The following DLK1 variants were observed in gnomAD, a reference collection of about 807,000 sequenced individuals.
The protein encoded by DLK1 is protein delta homolog 1.
In DLK1, 9 loss-of-function variants were observed where a neutral mutation model predicts 35.2. The observed-to-expected ratio is 0.26, with a 90% CI of 0.15 to 0.45. DLK1 has a LOEUF of 0.45. Ranked by LOEUF, DLK1 falls within the 20% of genes least tolerant of loss-of-function variation. The probability of loss-of-function intolerance (pLI) is 1.00; values close to 1 mark genes in which losing one functional copy is unlikely to be tolerated. For missense variants in DLK1, 522 were observed against 528.5 expected, an observed-to-expected ratio of 0.99 and a Z score of 0.12; for synonymous variants, 231 against 228.4, an observed-to-expected ratio of 1.01 and a Z score of -0.10.
chr14:100,733,733 G>A (rs1448284799), intron 4 of DLK1, among the ~76,000 whole-genome samples: 1 of 152,196 alleles, frequency 6.6e-6, no homozygotes, highest in Non-Finnish European at 1.5e-5. Flanking sequence ...TCCAGTCCTG[G>A]GCTGTCACTG....
intron 2 of DLK1, 167 bp downstream of exon 2, chr14:100,728,626 G>GC (rs1567020467): frequency 8.5e-6 from 2 of 234,776 alleles, no homozygotes; most frequent in Non-Finnish European, 1.7e-5. Flanking sequence ...GGGGGGGGCG[G>GC]GGGGGGGGCA....
At chr14:100,729,709 G>A (rs948948167) in intron 3 of DLK1, among the ~76,000 whole-genome samples, 4 of 152,198 alleles carry the variant, frequency 2.6e-5, no homozygotes, top group Non-Finnish European at 1.5e-5. Flanking sequence ...ATTACCCCAA[G>A]CAATTGAGAG....
At position 100,734,544 on chromosome 14, in the gene DLK1, G is replaced by A. The variant is rs761957781; in HGVS notation, c.800G>A (p.Arg267His). The A allele has an allele frequency of 1.1e-5, 18 of 1,612,546 alleles. No individual in the cohort carries two copies. The African/African-American group carries it at 1.2e-4, about 11-fold the overall frequency. ...RLPSGYGLAYRLTPGVHELPV... is the reference protein window; with the variant it reads ...RLPSGYGLAYHLTPGVHELPV... Reference sequence around the variant, plus strand: ...CCCAGCGGCTATGGGCTGGCCTACCGCCTGACCCCTGGGGTGCACGAGCTG... The same window carrying A: ...CCCAGCGGCTATGGGCTGGCCTACCACCTGACCCCTGGGGTGCACGAGCTG... The change falls in exon 5 of 5, where the codon CGC becomes CAC. Residue 267 changes from arginine (R) to histidine (H), a missense_variant. Coordinates refer to ENST00000341267, the MANE Select transcript of DLK1 (RefSeq NM_003836.7). This position sits in a 1 kb window ranked among gnomAD's most constrained non-coding sequence, Gnocchi z 7.4.
At position 100,735,263 on chromosome 14, in the gene DLK1, T is replaced by A; in HGVS notation, c.*367T>A. 2 of 192,990 alleles carry A rather than the reference T, an allele frequency of 1.0e-5. No homozygotes were observed. Among genetic ancestry groups the A allele is most frequent in the South Asian group, 1.5e-4 (1 of 6,616 alleles). The allele number at this position is 192,990 out of a possible 1,614,324, so 12.0% of individuals were successfully genotyped here. ...GGGGGTCTCGGCCACATGGTCCTCG[T>A]GAAACCGTTACGAGTGCTGTACATG... On this transcript the variant is annotated 3_prime_UTR_variant, in exon 5 of 5. Coordinates refer to ENST00000341267, the MANE Select transcript of DLK1 (RefSeq NM_003836.7).
At chr14:100,733,496 A>G (rs931284110) in intron 4 of DLK1, among the ~76,000 whole-genome samples, 1 of 152,234 alleles carries the variant, frequency 6.6e-6, no homozygotes, top group Non-Finnish European at 1.5e-5. Context: ...GTGCCACCGT[A>G]GACAGACCTC....
At chr14:100,728,885 C>T (rs2036472910) in intron 2 of DLK1, 51 bp from the exon 3 acceptor site, 1 of 1,598,692 alleles carries the variant, frequency 6.3e-7, no homozygotes, top group African/African-American at 1.3e-5. Flanking sequence ...AGCTGCCTCT[C>T]TACCCCTGCC....
At position 100,736,805 on chromosome 14, in the gene DLK1, TG is replaced by T. The variant is rs2036577859; in HGVS notation, c.*1910del. ...CCTCCCAGCCTCACCCCAAAAACCC[TG>T]TCACCCCACCGACCACCATCATCAC... On this transcript the variant is annotated 3_prime_UTR_variant, in exon 5 of 5. Transcript: ENST00000341267. 1 of 87,690 alleles carries T rather than the reference TG, an allele frequency of 1.1e-5. No individual in the cohort carries two copies. Among genetic ancestry groups the T allele is most frequent in the African/African-American group, 4.7e-5 (1 of 21,414 alleles). The allele number at this position is 87,690 out of a possible 1,614,324, so 5.4% of individuals were successfully genotyped here. A position where few individuals can be genotyped will look rare whatever the true frequency, so the allele number is the denominator to read the frequency against.
In DLK1 at chr14:100,728,936, G is replaced by T; in HGVS notation, c.132G>T (p.Arg44Ser). Residue 44 changes from arginine to serine, a missense_variant and splice_region_variant, in exon 3 of 5, where the codon AGG becomes AGT. Transcript: ENST00000341267. The part of the protein sequence containing the change: ...NGFCEDDNVC[R>S]CQPGWQGPLC... ...CACCTTTCTCCCCCACCCATTGCAG[G>T]TGCCAGCCTGGCTGGCAGGGTCCCC... is the stretch of plus-strand genomic sequence containing the variant. 1 of 1,613,428 alleles carries T rather than the reference G, an allele frequency of 6.2e-7. No homozygotes were observed. Among genetic ancestry groups the T allele is most frequent in the Non-Finnish European group, 8.5e-7 (1 of 1,179,684 alleles).
intron 4 of DLK1, among the ~76,000 whole-genome samples, chr14:100,733,191 T>C (rs1159737892): frequency 6.6e-6 from 1 of 152,172 alleles, no homozygotes; most frequent in Non-Finnish European, 1.5e-5. Flanking sequence ...ATATTTTGCT[T>C]TTCTCGCGAA....
chr14:100,727,459 CTGGGGTGCAACTT>C (rs2036449396), intron 1 of DLK1, among the ~76,000 whole-genome samples: 1 of 152,176 alleles, frequency 6.6e-6, no homozygotes, highest in Non-Finnish European at 1.5e-5. Context: ...TGAAAATACT[CTGGGGTGCAACTT>C]TGGGGTGTCC....
In DLK1 at chr14:100,728,474, C is replaced by A; in HGVS notation, c.131+15C>A. The A allele has an allele frequency of 6.2e-7, 1 of 1,613,896 alleles. No homozygotes were observed. ...AATGTTTGCAGGTAATAGAGTGGCTCCTCAGAGGCAGCTTGTAGGGGCCAC... is the reference window on the plus strand; with the variant it reads ...AATGTTTGCAGGTAATAGAGTGGCTACTCAGAGGCAGCTTGTAGGGGCCAC... On this transcript the variant is annotated intron_variant, in intron 2 of 4. Coordinates refer to ENST00000341267, the MANE Select transcript of DLK1 (RefSeq NM_003836.7).
rs1318086702 is a variant in DLK1 at position 100,735,335 on chromosome 14, TCACA to T, written c.*443_*446del. 1 of 156,224 alleles carries T rather than the reference TCACA, an allele frequency of 6.4e-6. No individual in the cohort carries two copies. Among genetic ancestry groups the T allele is most frequent in the Admixed American group, 6.5e-5 (1 of 15,498 alleles). The allele number at this position is 156,224 out of a possible 1,614,324, so 9.7% of individuals were successfully genotyped here. A position where few individuals can be genotyped will look rare whatever the true frequency, so the allele number is the denominator to read the frequency against. ...TACGATTGCTTTCGTTCGTTAATTC[TCACA>T]CACCACATCCGACTCGCACTCACAT... On this transcript the variant is annotated 3_prime_UTR_variant, in exon 5 of 5. Transcript: ENST00000341267.
In DLK1 at chr14:100,734,830, C is replaced by T. The variant is rs770269193; in HGVS notation, c.1086C>T (p.Asn362=). ...QYNSGEDLAV[N]IIFPEKIDMT... ...ACAGCGGGGAGGACCTGGCCGTCAA[C>T]ATCATCTTCCCCGAGAAGATCGACA... The change falls in exon 5 of 5, where the codon AAC becomes AAT. Residue 362 remains asparagine, a synonymous_variant. Coordinates refer to ENST00000341267, the MANE Select transcript of DLK1 (RefSeq NM_003836.7). This position sits in a 1 kb window ranked among gnomAD's most constrained non-coding sequence, Gnocchi z 7.4. 6.2e-7 allele frequency: 1 copy of T among 1,613,212 alleles called. No individual in the cohort carries two copies. Among genetic ancestry groups the T allele is most frequent in the Non-Finnish European group, 8.5e-7 (1 of 1,179,796 alleles).
intron 2 of DLK1, 124 bp from the exon 3 acceptor site, chr14:100,728,812 G>T: frequency 7.6e-7 from 1 of 1,313,234 alleles, no homozygotes; most frequent in Admixed American, 2.1e-5. Flanking sequence ...TTACTTCCCA[G>T]GACCACCGGC....
In DLK1 at chr14:100,727,766, A is replaced by G. The variant is rs76819113; in HGVS notation, c.68-630A>G. On this transcript the variant is annotated intron_variant, in intron 1 of 4. Transcript: ENST00000341267. Reference sequence around the variant, plus strand: ...TAAATGCACACAGTAGGTGCCTGTTAAAGTGTCAGAATCTCTAAGCAGTGT... The same window carrying G: ...TAAATGCACACAGTAGGTGCCTGTTGAAGTGTCAGAATCTCTAAGCAGTGT... Among the ~76,000 whole-genome samples, 3,822 of 152,186 alleles carry G rather than the reference A, an allele frequency of 0.025. 347 individuals are homozygous for G. In the East Asian group the frequency reaches 0.31, roughly 12 times the overall value.
intron 4 of DLK1, among the ~76,000 whole-genome samples, 191 bp downstream of exon 4, chr14:100,732,374 CA>C (rs2036520227): frequency 6.6e-6 from 1 of 152,246 alleles, no homozygotes; most frequent in Non-Finnish European, 1.5e-5. Flanking sequence ...ATAATTTTTT[CA>C]AATGATCCTG....
rs116078181 is a variant in DLK1 at position 100,734,177 on chromosome 14, G to A, written c.433G>A (p.Val145Met). 5.3e-5 allele frequency: 86 copies of A among 1,611,582 alleles called. No homozygotes were observed. Among genetic ancestry groups the A allele is most frequent in the Middle Eastern group, 1.6e-4 (1 of 6,078 alleles). The change falls in exon 5 of 5, where the codon GTG becomes ATG. Residue 145 changes from valine to methionine, a missense_variant. By Grantham distance (21) the Val-to-Met change is conservative (BLOSUM62 1). Transcript: ENST00000341267. The surrounding 1 kb of genome is among the most constrained non-coding windows in gnomAD (Gnocchi z 7.4). ...GSPCQHGGTCVDDEGRASHAS... is the reference protein window; with the variant it reads ...GSPCQHGGTCMDDEGRASHAS... Reference sequence around the variant, plus strand: ...CCCCTGCCAGCACGGAGGCACCTGCGTGGATGATGAGGGCCGGGCCTCCCA... The same window carrying A: ...CCCCTGCCAGCACGGAGGCACCTGCATGGATGATGAGGGCCGGGCCTCCCA...
At position 100,734,308 on chromosome 14, in the gene DLK1, T is replaced by C. The variant is rs1802710; in HGVS notation, c.564T>C (p.Ile188=). Reference sequence around the variant, plus strand: ...AGAACGACGGCGTCTGCACTGACATTGGGGGCGACTTCCGCTGCCGGTGCC... The same window carrying C: ...AGAACGACGGCGTCTGCACTGACATCGGGGGCGACTTCCGCTGCCGGTGCC... ...PCENDGVCTD[I]GGDFRCRCPA... Residue 188 remains isoleucine (I), a synonymous_variant, in exon 5 of 5, where the codon ATT becomes ATC. Transcript: ENST00000341267. The surrounding 1 kb of genome is among the most constrained non-coding windows in gnomAD (Gnocchi z 7.4). 0.55 allele frequency: 881,556 copies of C among 1,613,058 alleles called. 252,025 individuals are homozygous for C. Among genetic ancestry groups the C allele is most frequent in the East Asian group, 1 (44,784 of 44,854 alleles).
At chr14:100,730,426 A>G (rs990385437) in intron 3 of DLK1, among the ~76,000 whole-genome samples, 4 of 152,210 alleles carry the variant, frequency 2.6e-5, no homozygotes, top group Non-Finnish European at 5.9e-5. Flanking sequence ...TGACAAAGGC[A>G]GCCAGCTTGG....
Sources: allele counts gnomAD v4.1 joint callset (sites outside exome capture counted in the v4.1 genomes callset), GRCh38; gene constraint gnomAD v4.1.1; non-coding constraint Gnocchi (gnomAD v3.1); transcripts MANE v1.5; gene names NCBI Gene and HGNC (gene_info 2026-07-23, HGNC 2026-07-21).